FNDC3A: variants seen among roughly 807,000 people sequenced by gnomAD.
FNDC3A encodes the protein fibronectin type-III domain-containing protein 3A.
In FNDC3A, 32 loss-of-function variants were observed where a neutral mutation model predicts 148.9. The observed-to-expected ratio is 0.21, with a 90% CI of 0.16 to 0.29. The LOEUF (loss-of-function observed/expected upper bound fraction) is 0.29. FNDC3A is among the 10% of genes least tolerant of loss of function. The pLI is 1.00. For missense variants in FNDC3A, 1,191 were observed against 1,452.8 expected (o/e 0.82, Z 2.93); for synonymous variants, 472 against 473.6 (o/e 1.00, Z 0.04).
rs768515483 is a variant in FNDC3A at position 49,198,454 on chromosome 13, G to A, written c.2867G>A (p.Arg956His). ...AAGCCTCTCCCTCCTGATCCACCTC[G>A]TCTGGAATGTGTTGCCTTTAGCCAC... is the stretch of plus-strand genomic sequence containing the variant. ...KTKPLPPDPP[R>H]LECVAFSHQN... Residue 956 changes from arginine (R) to histidine (H), a missense_variant, in exon 23 of 26, where the codon CGT becomes CAT. Arg to His is a conservative substitution (Grantham distance 29, BLOSUM62 0). Transcript: ENST00000492622. The A allele has an allele frequency of 1.7e-5, 27 of 1,613,930 alleles. No homozygotes were observed. The highest frequency in any genetic ancestry group is 8.0e-5 in the African/African-American group (6 of 74,886).
chr13:48,976,728 TA>T (rs1313949917), intron 1 of FNDC3A: 2 of 152,242 alleles, frequency 1.3e-5, no homozygotes, highest in African/African-American at 4.8e-5. Flanking sequence ...ATCTTGGGGT[TA>T]AAACCTCGAA....
rs148081925 is a variant in FNDC3A, at chr13:49,000,390, T to C, written c.-39-5762T>C. ...TCTCGTTGAAGATTATTTGGTCATA[T>C]ATGCTAAAGACTTATTTCTAGGCTC... On this transcript the variant is annotated intron_variant, in intron 1 of 25. Transcript: ENST00000492622. Among the ~76,000 whole-genome samples the C allele has an allele frequency of 8.1e-4, 123 of 152,338 alleles. 2 individuals carry two copies. Among genetic ancestry groups the C allele is most frequent in the Admixed American group, 4.1e-3 (62 of 15,292 alleles).
chr13:49,037,105 T>C (rs141635943), intron 2 of FNDC3A, among the ~76,000 whole-genome samples: 35 of 152,358 alleles, frequency 2.3e-4, no homozygotes, highest in Admixed American at 1.6e-3. Context: ...TTCTCTTTCA[T>C]GTGCGTCCAC....
In FNDC3A at chr13:49,138,727, A is replaced by G; in HGVS notation, c.761-20A>G. The stretch of plus-strand genomic sequence containing the variant: ...TCTAAGTTCTTTTTTTTAAATATTC[A>G]AATGTTTTATTTTTTTAAGAAAAAG... On this transcript the variant is annotated intron_variant, in intron 6 of 25. Coordinates refer to ENST00000492622, the MANE Select transcript of FNDC3A (RefSeq NM_001079673.2). 8.0e-7 allele frequency: 1 copy of G among 1,248,584 alleles called. No homozygotes were observed. The highest frequency in any genetic ancestry group is 1.1e-6 in the Non-Finnish European group (1 of 881,546). 77.3% of individuals were successfully genotyped at this position (1,248,584 alleles called of 1,614,324 possible). A position where few individuals can be genotyped will look rare whatever the true frequency, so the allele number is the denominator to read the frequency against.
intron 1 of FNDC3A, among the ~76,000 whole-genome samples, chr13:48,990,487 C>T (rs976198889): frequency 1.0e-4 from 15 of 148,536 alleles, no homozygotes; most frequent in Admixed American, 7.6e-4. Flanking sequence ...TGTGGTGGCT[C>T]GTGCCTGTAA....
intron 19 of FNDC3A, among the ~76,000 whole-genome samples, chr13:49,194,243 A>T (rs1886039086): frequency 6.6e-6 from 1 of 152,248 alleles, no homozygotes; most frequent in South Asian, 2.1e-4. Flanking sequence ...AGCCTGGGCA[A>T]CAGGCTTTTT....
intron 1 of FNDC3A, among the ~76,000 whole-genome samples, chr13:49,001,796 T>C (rs1437146523): frequency 6.6e-6 from 1 of 152,176 alleles, no homozygotes; most frequent in Non-Finnish European, 1.5e-5. Context: ...TCAATGACAG[T>C]GCGTGCCCGA....
At chr13:49,020,256 C>G (rs1566196016) in intron 2 of FNDC3A, among the ~76,000 whole-genome samples, 1 of 151,736 alleles carries the variant, frequency 6.6e-6, no homozygotes, top group African/African-American at 2.4e-5. Context: ...TTAAAAAAAC[C>G]TGAATTAAGG....
At chr13:49,050,048 C>T (rs1022137218) in intron 2 of FNDC3A, among the ~76,000 whole-genome samples, 7 of 152,186 alleles carry the variant, frequency 4.6e-5, no homozygotes, top group Admixed American at 4.6e-4. Flanking sequence ...GTTAATCTCA[C>T]TAATGGTCTA....
intron 3 of FNDC3A, among the ~76,000 whole-genome samples, chr13:49,111,298 T>G (rs1235674302): frequency 6.6e-6 from 1 of 152,236 alleles, no homozygotes; most frequent in Non-Finnish European, 1.5e-5. Context: ...CATGAGATGC[T>G]GTAAACGTTG....
In FNDC3A at chr13:49,208,365, A is replaced by G. The variant is rs1222835442; in HGVS notation, c.*970A>G. On this transcript the variant is annotated 3_prime_UTR_variant, in exon 26 of 26. Transcript: ENST00000492622. ...CCCATAAGTTTCTGCTGCTTCTCCC[A>G]TAACTGCTGCCACCACCATCAGAAT... The G allele has an allele frequency of 6.6e-6, 1 of 152,630 alleles. No individual in the cohort carries two copies. Among genetic ancestry groups the G allele is most frequent in the Non-Finnish European group, 1.5e-5 (1 of 68,022 alleles). 9.5% of individuals were successfully genotyped at this position (152,630 alleles called of 1,614,324 possible).
At chr13:49,007,624 G>A (rs1181299650) in intron 2 of FNDC3A, among the ~76,000 whole-genome samples, 1 of 152,104 alleles carries the variant, frequency 6.6e-6, no homozygotes, top group Non-Finnish European at 1.5e-5. Flanking sequence ...ATAACTCCAT[G>A]ATGCCATCTC....
chr13:49,093,901 T>A (rs541857117), intron 3 of FNDC3A, among the ~76,000 whole-genome samples: 4 of 152,278 alleles, frequency 2.6e-5, no homozygotes, highest in Non-Finnish European at 5.9e-5. Context: ...AGAGTCTCTT[T>A]TGGTTTTAAT....
intron 2 of FNDC3A, among the ~76,000 whole-genome samples, chr13:49,060,365 C>T (rs903302933): frequency 2.6e-5 from 4 of 152,052 alleles, no homozygotes; most frequent in African/African-American, 4.8e-5. Context: ...AATGCTGAGG[C>T]GGGGCTGGTG....
At chr13:49,149,653 C>CT (rs888734671) in intron 8 of FNDC3A, among the ~76,000 whole-genome samples, 2 of 152,138 alleles carry the variant, frequency 1.3e-5, no homozygotes, top group East Asian at 3.9e-4. Flanking sequence ...CTGTACTTTT[C>CT]TTTTTTTGTT....
At chr13:48,979,172 AG>A (rs1005712780) in intron 1 of FNDC3A, among the ~76,000 whole-genome samples, 18 of 152,222 alleles carry the variant, frequency 1.2e-4, no homozygotes, top group Admixed American at 1.1e-3. Flanking sequence ...TACACCTGGG[AG>A]ATGTCATGTG....
chr13:49,197,340 T>A (rs1434423262), intron 20 of FNDC3A, among the ~76,000 whole-genome samples: 1 of 151,534 alleles, frequency 6.6e-6, no homozygotes, highest in Non-Finnish European at 1.5e-5. Flanking sequence ...ATCTCCAGTG[T>A]ACTTATTGTG....
At chr13:49,115,616 T>C (rs1880901177) in intron 4 of FNDC3A, among the ~76,000 whole-genome samples, 2 of 152,118 alleles carry the variant, frequency 1.3e-5, no homozygotes, top group African/African-American at 4.8e-5. Flanking sequence ...GCTGAATCCA[T>C]ATCTTATTTC....
rs1593612660 is a variant in FNDC3A at position 49,117,301 on chromosome 13, G to A, written c.252+2570G>A. Among the ~76,000 whole-genome samples, 9 of 152,234 alleles carry A rather than the reference G, an allele frequency of 5.9e-5. 1 individual carries two copies. The South Asian group carries it at 1.9e-3, about 32-fold the overall frequency. ...TTCTTGACATTTAAGGCTTTACACG[G>A]TTCTGTCCTGGTTTGCCTTTGCACC... On this transcript the variant is annotated intron_variant, in intron 4 of 25. Coordinates refer to ENST00000492622, the MANE Select transcript of FNDC3A (RefSeq NM_001079673.2).
Sources: allele counts gnomAD v4.1 joint callset (sites outside exome capture counted in the v4.1 genomes callset), GRCh38; gene constraint gnomAD v4.1.1; transcripts MANE v1.5; gene names NCBI Gene and HGNC (gene_info 2026-07-23, HGNC 2026-07-21).